SORCS1: variants seen among roughly 807,000 people sequenced by gnomAD.
The protein encoded by SORCS1 is VPS10 domain-containing receptor SorCS1.
Under a neutral mutation model 146.1 loss-of-function variants are expected in SORCS1, and 60 were observed. The observed-to-expected ratio is 0.41, with a 90% CI of 0.33 to 0.51. The LOEUF is 0.51. Ranked by LOEUF, SORCS1 falls within the 20% of genes least tolerant of loss-of-function variation. The pLI is 0.21. For missense variants in SORCS1, 1,352 were observed against 1,487.6 expected (o/e 0.91, Z 1.50); for synonymous variants, 637 against 584.0 (o/e 1.09, Z -1.31).
At chr10:106,787,475 A>T (rs1946108153) in intron 3 of SORCS1, among the ~76,000 whole-genome samples, 3 of 152,284 alleles carry the variant, frequency 2.0e-5, no homozygotes, top group South Asian at 4.1e-4. Context: ...ATTATTTTTT[A>T]AAATTGTATT....
chr10:106,815,120 A>C (rs921613975), intron 3 of SORCS1, among the ~76,000 whole-genome samples: 1 of 151,648 alleles, frequency 6.6e-6, no homozygotes, highest in African/African-American at 2.4e-5. Context: ...CACCACACCC[A>C]GCTAATTTTT....
At chr10:107,063,053 G>T (rs762110143) in intron 1 of SORCS1, among the ~76,000 whole-genome samples, 105 of 152,268 alleles carry the variant, frequency 6.9e-4, no homozygotes, top group Non-Finnish European at 1.4e-3. Flanking sequence ...TGTGATGAAT[G>T]ACTGTGAGAC....
chr10:106,744,779 A>G (rs778163032), intron 5 of SORCS1, among the ~76,000 whole-genome samples: 33 of 152,132 alleles, frequency 2.2e-4, no homozygotes, highest in Non-Finnish European at 4.4e-4. Flanking sequence ...GGAAAAGGTA[A>G]AACAGAGTGT....
At position 106,879,132 on chromosome 10, in the gene SORCS1, A is replaced by G. The variant is rs1950718022; in HGVS notation, c.627-49459T>C. On this transcript the variant is annotated intron_variant, in intron 2 of 25. Coordinates refer to ENST00000263054, the MANE Select transcript of SORCS1 (RefSeq NM_052918.5). The stretch of plus-strand genomic sequence containing the variant: ...ACCACTGCACTCCAGCCTGGGCGAC[A>G]GAGTGAGACTCCATCAAAAAAAAAA... 2.1e-5 allele frequency among the ~76,000 whole-genome samples: 3 copies of G among 145,042 alleles called. No homozygotes were observed. The South Asian group carries it at 6.7e-4, about 32-fold the overall frequency.
intron 1 of SORCS1, among the ~76,000 whole-genome samples, chr10:107,043,424 C>G (rs190593419): frequency 1.9e-4 from 29 of 152,220 alleles, no homozygotes; most frequent in African/African-American, 7.0e-4. Context: ...CCAGATAAAA[C>G]GATGCTCTTT....
At chr10:107,174,886 C>T in the SORCS1 span, among the ~76,000 whole-genome samples, 1 of 152,146 alleles carries the variant, frequency 6.6e-6, no homozygotes, top group Non-Finnish European at 1.5e-5. Flanking sequence ...TATTATTTCA[C>T]TGTGAAGTAT....
intron 1 of SORCS1, among the ~76,000 whole-genome samples, chr10:107,042,964 C>T (rs919837174): frequency 6.6e-6 from 1 of 152,130 alleles, no homozygotes; most frequent in Non-Finnish European, 1.5e-5. Context: ...CTGTGGTTAT[C>T]CCAAGAATAA....
chr10:106,903,307 T>C (rs1951789660), intron 2 of SORCS1, among the ~76,000 whole-genome samples: 1 of 152,214 alleles, frequency 6.6e-6, no homozygotes, highest in African/African-American at 2.4e-5. Flanking sequence ...TCCATTAAAA[T>C]GGCAGTTGAC....
the SORCS1 span, among the ~76,000 whole-genome samples, chr10:107,180,319 G>C: frequency 6.6e-6 from 1 of 152,098 alleles, no homozygotes; most frequent in African/African-American, 2.4e-5. Flanking sequence ...CTTTGAAAAA[G>C]TATTATAATT....
intron 1 of SORCS1, among the ~76,000 whole-genome samples, chr10:107,081,622 CACTT>C (rs1378421517): frequency 6.6e-6 from 1 of 152,096 alleles, no homozygotes; most frequent in African/African-American, 2.4e-5. Flanking sequence ...TTATGGCTAT[CACTT>C]AGTCTATTTA....
At chr10:106,761,684 A>G in intron 4 of SORCS1, 23 bp from the exon 5 acceptor site, 1 of 1,603,014 alleles carries the variant, frequency 6.2e-7, no homozygotes, top group Non-Finnish European at 8.5e-7. Flanking sequence ...GAAATTACTC[A>G]GCACTATGGT....
At chr10:106,767,385 C>T (rs982635947) in intron 4 of SORCS1, among the ~76,000 whole-genome samples, 12 of 152,116 alleles carry the variant, frequency 7.9e-5, no homozygotes, top group African/African-American at 2.9e-4. Context: ...CAATATATGA[C>T]TGTGGGCGAG....
chr10:107,095,189 T>G (rs1175925407), intron 1 of SORCS1, among the ~76,000 whole-genome samples: 3 of 151,916 alleles, frequency 2.0e-5, no homozygotes, highest in African/African-American at 7.3e-5. Context: ...TGGGAAAAAA[T>G]ATAGCACCCA....
At chr10:106,590,749 G>A (rs550603672) in intron 24 of SORCS1, among the ~76,000 whole-genome samples, 7 of 152,158 alleles carry the variant, frequency 4.6e-5, no homozygotes, top group South Asian at 2.1e-4. Flanking sequence ...CTGCCTTCTG[G>A]GTTAAAGTGA....
chr10:107,116,734 G>A (rs191713009), intron 1 of SORCS1, among the ~76,000 whole-genome samples: 3 of 152,112 alleles, frequency 2.0e-5, no homozygotes, highest in Admixed American at 6.6e-5. Context: ...TCTATGGCAA[G>A]GGTGGTAATG....
At chr10:106,852,379 C>T (rs561210569) in intron 2 of SORCS1, among the ~76,000 whole-genome samples, 2 of 152,144 alleles carry the variant, frequency 1.3e-5, no homozygotes, top group African/African-American at 4.8e-5. Context: ...CCTGTAATCC[C>T]AGCACTTTCG....
intron 1 of SORCS1, among the ~76,000 whole-genome samples, chr10:107,118,393 C>A (rs1401645345): frequency 6.6e-6 from 1 of 152,148 alleles, no homozygotes; most frequent in Non-Finnish European, 1.5e-5. Flanking sequence ...TTTATTTTTT[C>A]TTTAGCTACT....
intron 1 of SORCS1, among the ~76,000 whole-genome samples, chr10:107,138,863 G>A (rs977311108): frequency 1.5e-4 from 23 of 152,134 alleles, no homozygotes; most frequent in African/African-American, 4.3e-4. Flanking sequence ...TGACCCCCAC[G>A]AGCAGGCTGG....
rs542745441 is a variant in SORCS1 at position 106,812,713 on chromosome 10, A to G, written c.726+16861T>C. Among the ~76,000 whole-genome samples, 6 of 152,300 alleles carry G rather than the reference A, an allele frequency of 3.9e-5. No homozygotes were observed. In the South Asian group the frequency reaches 8.3e-4, roughly 21 times the overall value. On this transcript the variant is annotated intron_variant, in intron 3 of 25. Transcript: ENST00000263054. ...GCAACATACATGTATGCATGTATGTATATTATGTATATATTAATAGCTATT... is the reference window on the plus strand; with the variant it reads ...GCAACATACATGTATGCATGTATGTGTATTATGTATATATTAATAGCTATT...
Sources: gnomAD v4.1 joint callset for allele counts (sites outside exome capture counted in the v4.1 genomes callset) on GRCh38, gnomAD v4.1.1 for gene constraint, MANE v1.5 for transcripts, NCBI Gene and HGNC (gene_info 2026-07-23, HGNC 2026-07-21) for gene names.